Variants in TOX observed in about 807,000 individuals in gnomAD.
TOX encodes thymocyte selection associated high mobility group box, also known as thymocyte selection-associated high mobility group box protein TOX.
Under a neutral mutation model 53.7 loss-of-function variants are expected in TOX, and 11 were observed. That is an observed-to-expected ratio of 0.20 (90% CI 0.13 to 0.34). The LOEUF (loss-of-function observed/expected upper bound fraction) is 0.34, where lower values mean the gene tolerates loss of function less well. Among genes scored for constraint, TOX ranks in the 10% least tolerant of loss-of-function variants. The pLI is 1.00. For missense variants in TOX, 570 were observed against 664.6 expected, an observed-to-expected ratio of 0.86 and a Z score of 1.56; for synonymous variants, 225 against 245.3, an observed-to-expected ratio of 0.92 and a Z score of 0.77.
intron 3 of TOX, among the ~76,000 whole-genome samples, chr8:58,868,577 G>A (rs890311854): frequency 6.6e-6 from 1 of 151,974 alleles, no homozygotes. Flanking sequence ...CTTTCCTAAA[G>A]TACTTAAAAA....
At chr8:58,827,761 G>A (rs1810388988) in intron 5 of TOX, among the ~76,000 whole-genome samples, 1 of 152,178 alleles carries the variant, frequency 6.6e-6, no homozygotes, top group Admixed American at 6.5e-5. Flanking sequence ...AAGTTAAACA[G>A]TGAGCAGTCA....
At chr8:58,913,896 C>A (rs188447399) in intron 3 of TOX, among the ~76,000 whole-genome samples, 54 of 152,112 alleles carry the variant, frequency 3.6e-4, no homozygotes, top group African/African-American at 1.2e-3. Context: ...TTTCACTTAG[C>A]CACTTTTCGA....
At chr8:58,934,161 T>C (rs972613307) in intron 3 of TOX, among the ~76,000 whole-genome samples, 4 of 152,342 alleles carry the variant, frequency 2.6e-5, no homozygotes, top group African/African-American at 7.2e-5. Context: ...TACATACTTA[T>C]AGAAATTCTA....
At chr8:59,031,057 A>C (rs1193242959) in intron 1 of TOX, among the ~76,000 whole-genome samples, 6 of 152,222 alleles carry the variant, frequency 3.9e-5, no homozygotes, top group Non-Finnish European at 7.3e-5. Context: ...AAGAAGTATA[A>C]GCAATTTTCC....
chr8:59,052,494 GAATT>G (rs1377521003), intron 1 of TOX, among the ~76,000 whole-genome samples: 1 of 152,134 alleles, frequency 6.6e-6, no homozygotes. Flanking sequence ...TTAACTTTCA[GAATT>G]AATTCAAGTG....
chr8:59,108,467 G>A (rs191103746), intron 1 of TOX, among the ~76,000 whole-genome samples: 234 of 152,236 alleles, frequency 1.5e-3, no homozygotes, highest in Non-Finnish European at 2.4e-3. Flanking sequence ...AACTGCGCCT[G>A]TACATATTTT....
At chr8:58,984,800 A>T (rs1233531398) in intron 1 of TOX, among the ~76,000 whole-genome samples, 3 of 151,070 alleles carry the variant, frequency 2.0e-5, no homozygotes, top group African/African-American at 7.3e-5. Flanking sequence ...AAAAAAAAAA[A>T]AAAAAATTGA....
At chr8:58,865,390 T>C (rs1217570334) in intron 3 of TOX, among the ~76,000 whole-genome samples, 1 of 152,144 alleles carries the variant, frequency 6.6e-6, no homozygotes, top group Non-Finnish European at 1.5e-5. Flanking sequence ...CAGAAAACAG[T>C]GTTTTTAAAA....
At chr8:59,086,833 T>C (rs965353765) in intron 1 of TOX, among the ~76,000 whole-genome samples, 1 of 152,208 alleles carries the variant, frequency 6.6e-6, no homozygotes, top group Non-Finnish European at 1.5e-5. Flanking sequence ...CCCATTACAG[T>C]GTAGCCATAG....
intron 4 of TOX, among the ~76,000 whole-genome samples, chr8:58,841,282 A>T (rs1299374961): frequency 6.6e-6 from 1 of 152,222 alleles, no homozygotes; most frequent in Non-Finnish European, 1.5e-5. Context: ...TGTGGTTGTT[A>T]GATCTACTCC....
chr8:58,863,928 G>GA (rs1243312436), intron 3 of TOX, among the ~76,000 whole-genome samples: 2 of 152,096 alleles, frequency 1.3e-5, no homozygotes, highest in Non-Finnish European at 2.9e-5. Flanking sequence ...CTGCAACAAG[G>GA]AGTCTGTCTG....
In TOX at chr8:58,963,314, T is replaced by TATATATAGATAGATAGATAGATAG. The variant is rs71557744; in HGVS notation, c.103-3307_103-3306insCTATCTATCTATCTATCTATATAT. Among the ~76,000 whole-genome samples the TATATATAGATAGATAGATAGATAG allele has an allele frequency of 3.8e-5, 5 of 130,744 alleles. No homozygotes were observed. The South Asian group carries it at 7.5e-4, about 20-fold the overall frequency. The allele number at this position is 130,744 out of a possible 152,430, so 85.8% of individuals were successfully genotyped here. ...TAGAAGATAGATAGATAGATATATA[T>TATATATAGATAGATAGATAGATAG]ATAGATAGATAGATAGATAGATAGA... On this transcript the variant is annotated intron_variant, in intron 1 of 8. Transcript: ENST00000361421.
intron 1 of TOX, among the ~76,000 whole-genome samples, chr8:59,075,149 C>T (rs571777007): frequency 9.9e-5 from 15 of 152,250 alleles, no homozygotes; most frequent in African/African-American, 3.4e-4. Context: ...ATCAGAAGAA[C>T]AAAGATCCTA....
intron 4 of TOX, among the ~76,000 whole-genome samples, chr8:58,848,872 A>G (rs942363390): frequency 6.6e-6 from 1 of 152,160 alleles, no homozygotes; most frequent in Non-Finnish European, 1.5e-5. Flanking sequence ...TAATTGCTTA[A>G]AGACAGCACA....
intron 3 of TOX, among the ~76,000 whole-genome samples, chr8:58,855,097 T>C (rs966871247): frequency 6.6e-6 from 1 of 152,194 alleles, no homozygotes; most frequent in Non-Finnish European, 1.5e-5. Context: ...ACTTAAGTCA[T>C]GCTTAATTGC....
intron 1 of TOX, among the ~76,000 whole-genome samples, chr8:58,981,639 A>AT (rs772332099): frequency 6.6e-6 from 1 of 151,680 alleles, no homozygotes; most frequent in Non-Finnish European, 1.5e-5. Context: ...TCTTCCAAAC[A>AT]TTTTTTCTGA....
At chr8:59,040,209 G>A (rs1803550572) in intron 1 of TOX, among the ~76,000 whole-genome samples, 1 of 150,150 alleles carries the variant, frequency 6.7e-6, no homozygotes, top group South Asian at 2.1e-4. Flanking sequence ...GGCGCCTGTA[G>A]TCCCAGCTAC....
intron 1 of TOX, among the ~76,000 whole-genome samples, chr8:59,020,181 C>G (rs1276008301): frequency 4.6e-5 from 7 of 152,158 alleles, no homozygotes; most frequent in African/African-American, 7.2e-5. Flanking sequence ...GTTTCATAAA[C>G]CATACTGGGC....
intron 3 of TOX, among the ~76,000 whole-genome samples, chr8:58,887,688 C>T (rs1811493173): frequency 6.6e-6 from 1 of 151,950 alleles, no homozygotes; most frequent in African/African-American, 2.4e-5. Flanking sequence ...CTCAGTTCTA[C>T]TGTTTTTCTG....
Sources: gnomAD v4.1 joint callset for allele counts (sites outside exome capture counted in the v4.1 genomes callset) on GRCh38, gnomAD v4.1.1 for gene constraint, MANE v1.5 for transcripts, NCBI Gene and HGNC (gene_info 2026-07-23, HGNC 2026-07-21) for gene names.